The following GAS2L3 variants were observed in gnomAD, a reference collection of about 807,000 sequenced individuals.
GAS2L3 encodes GAS2-like protein 3.
GAS2L3 carries 28 observed loss-of-function variants against 37.0 expected under a neutral mutation model. That is an observed-to-expected ratio of 0.76 (90% CI 0.56 to 1.04). The LOEUF (loss-of-function observed/expected upper bound fraction) is 1.04. Among genes scored for constraint, GAS2L3 ranks in the 50% least tolerant of loss-of-function variants. The probability of loss-of-function intolerance (pLI) is 0.00; values close to 1 mark genes in which losing one functional copy is unlikely to be tolerated. For missense variants in GAS2L3, 793 were observed against 817.6 expected (o/e 0.97, Z 0.37); for synonymous variants, 290 against 296.6 (o/e 0.98, Z 0.23).
At chr12:100,622,749 T>TA in intron 9 of GAS2L3, among the ~76,000 whole-genome samples, 1,962 of 26,758 alleles carry the variant, frequency 0.073, 248 homozygotes, top group Non-Finnish European at 0.086. Flanking sequence ...GTATCCATAG[T>TA]AAAAAAAAAA....
rs993499561 is a variant in GAS2L3, at chr12:100,602,147, G to T, written c.303+394G>T. On this transcript the variant is annotated intron_variant, in intron 5 of 9. Transcript: ENST00000547754. ...TGTAGAATTGTTGTGAGGGTTAAATGGGAAAAGAGCTTGTGATGGTTCCTG... is the reference window on the plus strand; with the variant it reads ...TGTAGAATTGTTGTGAGGGTTAAATTGGAAAAGAGCTTGTGATGGTTCCTG... Among the ~76,000 whole-genome samples, 21 of 152,116 alleles carry T rather than the reference G, an allele frequency of 1.4e-4. 1 individual carries two copies. Among genetic ancestry groups the T allele is most frequent in the African/African-American group, 4.8e-4 (20 of 41,450 alleles).
chr12:100,580,166 G>A (rs1955693070), intron 1 of GAS2L3: 1 of 756,004 alleles, frequency 1.3e-6, no homozygotes, highest in Non-Finnish European at 2.4e-6. Flanking sequence ...AAAAGAGGGG[G>A]TGAGAATATT....
chr12:100,575,195 A>C (rs1432952804), intron 1 of GAS2L3, among the ~76,000 whole-genome samples: 1 of 152,140 alleles, frequency 6.6e-6, no homozygotes, highest in Non-Finnish European at 1.5e-5. Flanking sequence ...TGCCTGATAC[A>C]TAGCTATTAT....
At chr12:100,583,666 G>A (rs1392788040) in intron 1 of GAS2L3, among the ~76,000 whole-genome samples, 1 of 152,088 alleles carries the variant, frequency 6.6e-6, no homozygotes, top group African/African-American at 2.4e-5. Flanking sequence ...TAGAGACGGG[G>A]CTTCACCATG....
In GAS2L3 at chr12:100,612,125, T is replaced by C; in HGVS notation, c.429T>C (p.Phe143=). 6.2e-7 allele frequency: 1 copy of C among 1,613,460 alleles called. No individual in the cohort carries two copies. The highest frequency in any genetic ancestry group is 8.5e-7 in the Non-Finnish European group (1 of 1,179,476). ...RDIGVDETYL[F]ESEGLVLHKD... ...TTGGGGTTGATGAAACTTACCTCTTTGAATCTGAAGGTTTAGGTAAGTGAT... is the reference window on the plus strand; with the variant it reads ...TTGGGGTTGATGAAACTTACCTCTTCGAATCTGAAGGTTTAGGTAAGTGAT... The change falls in exon 6 of 10, where the codon TTT becomes TTC. Residue 143 remains phenylalanine, a synonymous_variant. Coordinates refer to ENST00000547754, the MANE Select transcript of GAS2L3 (RefSeq NM_174942.3).
intron 5 of GAS2L3, among the ~76,000 whole-genome samples, chr12:100,602,343 T>C (rs771577543): frequency 6.6e-6 from 1 of 152,092 alleles, no homozygotes; most frequent in African/African-American, 2.4e-5. Context: ...TTTCCTGTCT[T>C]TTCATCAAAT....
chr12:100,580,014 G>A (rs943654126), intron 1 of GAS2L3: 10 of 1,343,766 alleles, frequency 7.4e-6, no homozygotes, highest in African/African-American at 1.4e-5. Flanking sequence ...ACCAGTAACA[G>A]GCTACATCTT....
intron 1 of GAS2L3, chr12:100,579,458 A>G (rs1955680657): frequency 1.2e-6 from 1 of 820,848 alleles, no homozygotes; most frequent in Non-Finnish European, 2.1e-6. Context: ...CAGAAAGGGA[A>G]CAAATTTGGT....
chr12:100,597,253 T>C (rs1246431983), intron 3 of GAS2L3, among the ~76,000 whole-genome samples: 2 of 152,052 alleles, frequency 1.3e-5, no homozygotes, highest in African/African-American at 2.4e-5. Flanking sequence ...ACATATTCCA[T>C]TGACTGTCAA....
Position 100,592,921 on chromosome 12 carries a change from T to C in GAS2L3, c.-31+1065T>C, listed in dbSNP as rs1042513097. Among the ~76,000 whole-genome samples the C allele has an allele frequency of 1.7e-4, 26 of 152,250 alleles. 1 individual carries two copies. Among genetic ancestry groups the C allele is most frequent in the Admixed American group, 1.3e-3 (20 of 15,266 alleles). ...ATATGTTGCTAATTAAGATGCAAAA[T>C]TAAATGTTACTGGTTCAGTGTAACT... is the stretch of plus-strand genomic sequence containing the variant. On this transcript the variant is annotated intron_variant, in intron 2 of 9. Transcript: ENST00000547754.
At chr12:100,621,919 G>A (rs1405324134) in intron 8 of GAS2L3, among the ~76,000 whole-genome samples, 1 of 151,592 alleles carries the variant, frequency 6.6e-6, no homozygotes, top group African/African-American at 2.4e-5. Context: ...AAGAGAGAGA[G>A]AGAGGCACTG....
chr12:100,600,597 G>A (rs759188766), intron 4 of GAS2L3, 47 bp downstream of exon 4: 6 of 1,382,100 alleles, frequency 4.3e-6, no homozygotes, highest in East Asian at 2.3e-5. Flanking sequence ...TATTCAATAT[G>A]CATTTATTGA....
At chr12:100,603,701 G>T (rs1956020875) in intron 5 of GAS2L3, among the ~76,000 whole-genome samples, 1 of 151,980 alleles carries the variant, frequency 6.6e-6, no homozygotes, top group South Asian at 2.1e-4. Context: ...CGAAGCTTTT[G>T]CCCAGACCAA....
intron 5 of GAS2L3, among the ~76,000 whole-genome samples, chr12:100,607,095 A>G (rs1956066552): frequency 6.6e-6 from 1 of 152,228 alleles, no homozygotes; most frequent in African/African-American, 2.4e-5. Flanking sequence ...TCACTTTAGC[A>G]TTTCTTGTAG....
intron 1 of GAS2L3, among the ~76,000 whole-genome samples, chr12:100,591,470 T>C (rs2136424763): frequency 1.3e-5 from 2 of 152,298 alleles, no homozygotes; most frequent in East Asian, 3.9e-4. Flanking sequence ...TTTAAAGCTT[T>C]TACTCTCATT....
intron 6 of GAS2L3, among the ~76,000 whole-genome samples, chr12:100,614,798 T>C (rs181773293): frequency 9.7e-4 from 148 of 152,334 alleles, no homozygotes; most frequent in African/African-American, 3.5e-3. Flanking sequence ...TGTGTCTGTT[T>C]CTTTTAGTTA....
At chr12:100,601,474 C>A (rs181747464) in intron 4 of GAS2L3, among the ~76,000 whole-genome samples, 164 bp from the exon 5 acceptor site, 15 of 152,070 alleles carry the variant, frequency 9.9e-5, no homozygotes, top group Non-Finnish European at 1.9e-4. Flanking sequence ...ATTAAGTTAA[C>A]TGGCCATTAT....
chr12:100,598,271 C>T (rs1364402249), intron 3 of GAS2L3, among the ~76,000 whole-genome samples: 1 of 152,122 alleles, frequency 6.6e-6, no homozygotes, highest in Non-Finnish European at 1.5e-5. Flanking sequence ...TTTCATGTCT[C>T]TTTAGTTATT....
intron 5 of GAS2L3, among the ~76,000 whole-genome samples, chr12:100,603,348 G>C (rs1638802043): frequency 6.6e-6 from 1 of 152,076 alleles, no homozygotes; most frequent in Non-Finnish European, 1.5e-5. Context: ...ATTGGGATGA[G>C]ATATCTCATT....
Sources: gnomAD v4.1 joint callset for allele counts (sites outside exome capture counted in the v4.1 genomes callset) on GRCh38, gnomAD v4.1.1 for gene constraint, MANE v1.5 for transcripts, NCBI Gene and HGNC (gene_info 2026-07-23, HGNC 2026-07-21) for gene names.